The following DNAJC1 variants were observed in gnomAD, a reference collection of about 807,000 sequenced individuals.
The protein encoded by DNAJC1 is DnaJ heat shock protein family (Hsp40) member C1.
Under a neutral mutation model 76.6 loss-of-function variants are expected in DNAJC1, and 58 were observed. The observed-to-expected ratio is 0.76, with a 90% confidence interval of 0.61 to 0.94. DNAJC1 has a LOEUF of 0.94. DNAJC1 is among the 40% of genes least tolerant of loss of function. The pLI, the probability that DNAJC1 is intolerant of heterozygous loss-of-function variation, is 0.00. For missense variants in DNAJC1, 689 were observed against 677.3 expected (o/e 1.02, Z -0.19); for synonymous variants, 258 against 267.9 (o/e 0.96, Z 0.36).
rs1359784828 is a variant in DNAJC1, at chr10:21,901,932, T to C, written c.820+2590A>G. Among the ~76,000 whole-genome samples, 3 of 152,356 alleles carry C rather than the reference T, an allele frequency of 2.0e-5. No individual in the cohort carries two copies. In the South Asian group the frequency reaches 6.2e-4, roughly 32 times the overall value. The stretch of plus-strand genomic sequence containing the variant: ...TATGTATTAATTCTAAAGTATACAA[T>C]GCAGAATACTGTAATGAAGTTAATA... On this transcript the variant is annotated intron_variant, in intron 7 of 11. Coordinates refer to ENST00000376980, the MANE Select transcript of DNAJC1 (RefSeq NM_022365.4).
intron 8 of DNAJC1, among the ~76,000 whole-genome samples, chr10:21,816,455 C>T (rs1201698616): frequency 6.6e-6 from 1 of 151,918 alleles, no homozygotes; most frequent in African/African-American, 2.4e-5. Context: ...TGCCTGTGAT[C>T]CCAGCACTTT....
intron 11 of DNAJC1, among the ~76,000 whole-genome samples, chr10:21,758,499 T>C (rs1240050020): frequency 3.3e-5 from 5 of 152,036 alleles, no homozygotes; most frequent in East Asian, 1.9e-4. Flanking sequence ...CTCAGAAATA[T>C]CTGAGCAGGC....
chr10:21,917,234 A>C (rs572282375), intron 6 of DNAJC1, among the ~76,000 whole-genome samples: 2 of 152,256 alleles, frequency 1.3e-5, no homozygotes, highest in South Asian at 2.1e-4. Flanking sequence ...CTATTACATG[A>C]ATTAACAGCT....
At position 21,806,033 on chromosome 10, in the gene DNAJC1, TC is replaced by T; in HGVS notation, c.1044del (p.Thr349LeufsTer16). ...LTRSMVKFPGGTPGRWEKIAH... is the reference protein window; with the variant it reads ...LTRSMVKFPGXTPGRWEKIAH... The stretch of plus-strand genomic sequence containing the variant: ...GCAATCTTTTCCCATCGACCTGGAG[TC>T]CCTCCTGGGAACTTAACCATACTTC... On this transcript the variant is annotated frameshift_variant, in exon 9 of 12. Coordinates refer to ENST00000376980, the MANE Select transcript of DNAJC1 (RefSeq NM_022365.4). LOFTEE classifies it high-confidence loss of function. The T allele has an allele frequency of 1.9e-6, 3 of 1,611,746 alleles. No homozygotes were observed. Among genetic ancestry groups the T allele is most frequent in the Non-Finnish European group, 2.5e-6 (3 of 1,179,682 alleles).
At chr10:21,791,287 C>A (rs2131634381) in intron 9 of DNAJC1, among the ~76,000 whole-genome samples, 1 of 152,230 alleles carries the variant, frequency 6.6e-6, no homozygotes, top group African/African-American at 2.4e-5. Context: ...AATACAACAA[C>A]AGTTGGGAAC....
At chr10:21,975,294 A>G (rs1258057764) in intron 1 of DNAJC1, among the ~76,000 whole-genome samples, 1 of 152,128 alleles carries the variant, frequency 6.6e-6, no homozygotes, top group African/African-American at 2.4e-5. Flanking sequence ...AAATCAATGA[A>G]TATGAGAAAA....
At chr10:21,837,920 C>G (rs1370417269) in intron 8 of DNAJC1, among the ~76,000 whole-genome samples, 1,475 of 38,648 alleles carry the variant, frequency 0.038, no homozygotes, top group Middle Eastern at 0.069. Flanking sequence ...AGGGAGGTGG[C>G]GGGCAGCCCC....
intron 3 of DNAJC1, 147 bp from the exon 4 acceptor site, chr10:21,921,110 G>T: frequency 1.4e-6 from 1 of 732,712 alleles, no homozygotes; most frequent in Non-Finnish European, 2.1e-6. Flanking sequence ...ATAATATCGA[G>T]TAAATTCAAA....
intron 1 of DNAJC1, among the ~76,000 whole-genome samples, chr10:21,942,874 G>A (rs1036489525): frequency 2.3e-4 from 35 of 151,266 alleles, no homozygotes; most frequent in African/African-American, 8.5e-4. Context: ...CTATATTCAT[G>A]GTTCATTTAA....
At chr10:21,776,119 A>C (rs1834452117) in intron 9 of DNAJC1, among the ~76,000 whole-genome samples, 1 of 152,196 alleles carries the variant, frequency 6.6e-6, no homozygotes, top group Non-Finnish European at 1.5e-5. Flanking sequence ...CCCTCTACTA[A>C]AAACACTGTA....
chr10:21,993,657 T>C (rs1327890745), intron 1 of DNAJC1, among the ~76,000 whole-genome samples: 1 of 152,148 alleles, frequency 6.6e-6, no homozygotes, highest in African/African-American at 2.4e-5. Flanking sequence ...TATACGTTTC[T>C]ATGTGTATCC....
At chr10:21,800,223 A>T (rs1834798654) in intron 9 of DNAJC1, among the ~76,000 whole-genome samples, 1 of 152,188 alleles carries the variant, frequency 6.6e-6, no homozygotes, top group African/African-American at 2.4e-5. Flanking sequence ...AGTAACAAAG[A>T]TCAATACTAT....
intron 1 of DNAJC1, among the ~76,000 whole-genome samples, chr10:21,999,954 T>C (rs758920552): frequency 6.6e-6 from 1 of 152,126 alleles, no homozygotes; most frequent in African/African-American, 2.4e-5. Context: ...ATTGCCTACA[T>C]ACCAGCTCAA....
chr10:21,941,738 A>C (rs1837416074), intron 1 of DNAJC1, among the ~76,000 whole-genome samples: 1 of 152,162 alleles, frequency 6.6e-6, no homozygotes. Flanking sequence ...AGGTATTCTT[A>C]AAACAGAAGA....
rs1455744673 is a variant in DNAJC1 at position 21,847,558 on chromosome 10, C to T, written c.978+34724G>A. 2.6e-5 allele frequency among the ~76,000 whole-genome samples: 4 copies of T among 152,202 alleles called. No individual in the cohort carries two copies. In the South Asian group the frequency reaches 6.2e-4, roughly 24 times the overall value. On this transcript the variant is annotated intron_variant, in intron 8 of 11. Coordinates refer to ENST00000376980, the MANE Select transcript of DNAJC1 (RefSeq NM_022365.4). Reference sequence around the variant, plus strand: ...CTTATTCTTTCTAACTGTATTTTTGCAACCGCTAACCAGCCTCTCTTCATC... The same window carrying T: ...CTTATTCTTTCTAACTGTATTTTTGTAACCGCTAACCAGCCTCTCTTCATC...
intron 8 of DNAJC1, among the ~76,000 whole-genome samples, chr10:21,814,166 C>T (rs554084794): frequency 3.3e-5 from 5 of 152,254 alleles, no homozygotes; most frequent in South Asian, 2.1e-4. Context: ...GTTATATTGT[C>T]GGTTGGGCAG....
chr10:21,925,930 T>C (rs770517858), intron 3 of DNAJC1, among the ~76,000 whole-genome samples: 1 of 152,230 alleles, frequency 6.6e-6, no homozygotes, highest in Non-Finnish European at 1.5e-5. Flanking sequence ...TTTTATTGTA[T>C]GCAAATTATA....
intron 8 of DNAJC1, among the ~76,000 whole-genome samples, chr10:21,847,845 T>C (rs918220079): frequency 1.3e-5 from 2 of 152,180 alleles, no homozygotes; most frequent in African/African-American, 4.8e-5. Flanking sequence ...CCATTTTCTT[T>C]ATCCATTCAT....
chr10:21,934,014 G>T (rs920527859), intron 1 of DNAJC1, among the ~76,000 whole-genome samples: 2 of 151,902 alleles, frequency 1.3e-5, no homozygotes, highest in African/African-American at 4.8e-5. Flanking sequence ...ATTATAGAAG[G>T]AATAAAGTGT....
Sources: gnomAD v4.1 joint callset for allele counts (sites outside exome capture counted in the v4.1 genomes callset) on GRCh38, gnomAD v4.1.1 for gene constraint, MANE v1.5 for transcripts, NCBI Gene and HGNC (gene_info 2026-07-23, HGNC 2026-07-21) for gene names.